The following LIMS1 variants were observed in gnomAD, a reference collection of about 807,000 sequenced individuals.
LIMS1 encodes the protein LIM and senescent cell antigen-like-containing domain protein 1.
A neutral mutation model predicts 44.1 loss-of-function variants in LIMS1; 18 were observed. The ratio of observed to expected loss-of-function variants is 0.41; its 90% confidence interval spans 0.28 to 0.61. LIMS1 has a LOEUF of 0.61. LIMS1 is among the 20% of genes least tolerant of loss of function. LIMS1 has a pLI of 0.32. For synonymous variants in LIMS1, 93 were observed against 149.1 expected (o/e 0.62, Z 2.74); for missense variants, 201 against 422.0 (o/e 0.48, Z 4.59).
intron 2 of LIMS1, among the ~76,000 whole-genome samples, chr2:108,668,099 G>T (rs1018572556): frequency 6.6e-6 from 1 of 151,818 alleles, no homozygotes; most frequent in Non-Finnish European, 1.5e-5. Context: ...TACACACATG[G>T]GGCACAGTGT....
At chr2:108,635,921 C>T (rs908741123) in intron 1 of LIMS1, among the ~76,000 whole-genome samples, 10 of 152,312 alleles carry the variant, frequency 6.6e-5, no homozygotes, top group African/African-American at 2.2e-4. Context: ...TAAGTACCAT[C>T]AGCTGCAGAG....
intron 1 of LIMS1, among the ~76,000 whole-genome samples, chr2:108,601,519 G>T (rs190384870): frequency 5.9e-5 from 9 of 152,174 alleles, no homozygotes; most frequent in South Asian, 2.1e-4. Context: ...AATAACTAAC[G>T]TGTAAGAATA....
intron 2 of LIMS1, among the ~76,000 whole-genome samples, chr2:108,667,033 TG>T (rs1380815504): frequency 1.3e-5 from 2 of 151,534 alleles, no homozygotes; most frequent in African/African-American, 4.9e-5. Flanking sequence ...ACTTGGCCAC[TG>T]GTGATCAACT....
At chr2:108,553,443 CA>C (rs1684826086) in intron 1 of LIMS1, among the ~76,000 whole-genome samples, 2 of 152,270 alleles carry the variant, frequency 1.3e-5, no homozygotes, top group African/African-American at 4.8e-5. Flanking sequence ...AGCTTTTTAG[CA>C]GTGGATTCTG....
intron 1 of LIMS1, among the ~76,000 whole-genome samples, chr2:108,560,365 C>A (rs1685070127): frequency 2.0e-5 from 3 of 152,102 alleles, no homozygotes; most frequent in African/African-American, 7.2e-5. Context: ...ACCCATGAGG[C>A]CCCACAGTGT....
intron 1 of LIMS1, among the ~76,000 whole-genome samples, chr2:108,641,086 C>T (rs1689639714): frequency 6.6e-6 from 1 of 152,198 alleles, no homozygotes. Context: ...ACCCCGGGCT[C>T]ATCATGATGC....
At chr2:108,684,162 C>T (rs1558847927) in exon 10 of LIMS1, 4 of 411,518 alleles carry the variant, frequency 9.7e-6, no homozygotes, top group Non-Finnish European at 1.8e-5. Flanking sequence ...TTCATATAAT[C>T]GTGTTTAAAA....
chr2:108,554,018 C>G (rs143453756), intron 1 of LIMS1, among the ~76,000 whole-genome samples: 4 of 152,186 alleles, frequency 2.6e-5, no homozygotes, highest in Non-Finnish European at 5.9e-5. Flanking sequence ...TACTTGTTTA[C>G]TCACATAGTT....
intron 1 of LIMS1, among the ~76,000 whole-genome samples, chr2:108,608,263 G>A (rs114439811): frequency 0.018 from 2,729 of 150,030 alleles, 46 homozygotes; most frequent in African/African-American, 0.04. Flanking sequence ...GTTTTCCTTG[G>A]TGTATACTGT....
intron 1 of LIMS1, among the ~76,000 whole-genome samples, chr2:108,537,650 C>T (rs964601322): frequency 6.6e-6 from 1 of 152,206 alleles, no homozygotes; most frequent in East Asian, 1.9e-4. Flanking sequence ...TACAAAAGAT[C>T]ATTTCAGTTC....
Position 108,658,685 on chromosome 2 carries a change from C to T in LIMS1, c.33-920C>T, listed in dbSNP as rs1169209450. On this transcript the variant is annotated intron_variant, in intron 1 of 9. Transcript: ENST00000544547. The stretch of plus-strand genomic sequence containing the variant: ...AGAGCCTGAGATTATTTATTGAATG[C>T]CTTCTGTGTTTTAAGGTGTAGTGAG... Among the ~76,000 whole-genome samples the T allele has an allele frequency of 3.9e-5, 6 of 152,376 alleles. No individual in the cohort carries two copies. The South Asian group carries it at 6.2e-4, about 16-fold the overall frequency.
chr2:108,537,421 A>G (rs1684180127), intron 1 of LIMS1, among the ~76,000 whole-genome samples: 1 of 152,230 alleles, frequency 6.6e-6, no homozygotes, highest in East Asian at 1.9e-4. Flanking sequence ...AGTTTTGGCT[A>G]GTTTTAGTAG....
rs200873895 is a variant in LIMS1 at position 108,611,989 on chromosome 2, ATATAT to A, written c.33-47610_33-47606del. 5.3e-3 allele frequency among the ~76,000 whole-genome samples: 746 copies of A among 141,992 alleles called. 7 individuals are homozygous for A. The highest frequency in any genetic ancestry group is 0.018 in the African/African-American group (677 of 36,774). 93.2% of individuals were successfully genotyped at this position (141,992 alleles called of 152,430 possible). ...ATACACATATATAAAATATATATAC[ATATAT>A]TATATATACACACATATATATATAC... is the stretch of plus-strand genomic sequence containing the variant. On this transcript the variant is annotated intron_variant, in intron 1 of 9. Coordinates refer to ENST00000544547, the Ensembl canonical transcript of LIMS1.
intron 1 of LIMS1, among the ~76,000 whole-genome samples, chr2:108,571,921 A>G (rs1435117324): frequency 6.6e-6 from 1 of 152,186 alleles, no homozygotes; most frequent in East Asian, 1.9e-4. Context: ...ACTGGACCTG[A>G]CAACAGCTGT....
intron 5 of LIMS1, among the ~76,000 whole-genome samples, chr2:108,675,486 A>T (rs1692477624): frequency 6.6e-6 from 1 of 152,190 alleles, no homozygotes; most frequent in South Asian, 2.1e-4. Flanking sequence ...GGGGATCATG[A>T]ACTTTGGGGA....
chr2:108,565,564 A>C (rs1335985009), intron 1 of LIMS1, among the ~76,000 whole-genome samples: 2 of 152,208 alleles, frequency 1.3e-5, no homozygotes, highest in African/African-American at 2.4e-5. Flanking sequence ...TTCTTTGGAA[A>C]TGTAAATTTT....
At chr2:108,568,320 T>A (rs1685364941) in intron 1 of LIMS1, among the ~76,000 whole-genome samples, 1 of 152,234 alleles carries the variant, frequency 6.6e-6, no homozygotes, top group Non-Finnish European at 1.5e-5. Context: ...TCTATTTCAC[T>A]TCACATAATG....
At chr2:108,634,691 G>A (rs562947357) in intron 1 of LIMS1, among the ~76,000 whole-genome samples, 58 of 152,210 alleles carry the variant, frequency 3.8e-4, no homozygotes, top group Non-Finnish European at 7.5e-4. Context: ...TAGAAAACAG[G>A]CGGCTGCTTC....
chr2:108,662,322 A>G (rs1691435871), intron 2 of LIMS1: 2 of 1,611,416 alleles, frequency 1.2e-6, no homozygotes, highest in Non-Finnish European at 8.5e-7. Context: ...CTGTGAGGCC[A>G]CTGGTGCTGA....
Sources: gnomAD v4.1 joint callset for allele counts (sites outside exome capture counted in the v4.1 genomes callset) on GRCh38, gnomAD v4.1.1 for gene constraint, MANE v1.5 for transcripts, NCBI Gene and HGNC (gene_info 2026-07-23, HGNC 2026-07-21) for gene names.